SUPT3H: variants seen among roughly 807,000 people sequenced by gnomAD.
The protein encoded by SUPT3H is transcription initiation protein SPT3 homolog.
Under a neutral mutation model 44.3 loss-of-function variants are expected in SUPT3H, and 44 were observed. The observed-to-expected ratio is 0.99, with a 90% CI of 0.78 to 1.28. The LOEUF (loss-of-function observed/expected upper bound fraction) is 1.28, where lower values mean the gene tolerates loss of function less well. Among genes scored for constraint, SUPT3H ranks in the 50% most tolerant of loss-of-function variants. SUPT3H has a pLI of 0.00. For synonymous variants in SUPT3H, 124 were observed against 125.6 expected (o/e 0.99, Z 0.09); for missense variants, 380 against 387.1 (o/e 0.98, Z 0.15).
At chr6:45,320,499 G>A (rs1017004470) in intron 2 of SUPT3H, among the ~76,000 whole-genome samples, 3 of 149,392 alleles carry the variant, frequency 2.0e-5, no homozygotes, top group African/African-American at 4.9e-5. Context: ...GGCTGGTCTC[G>A]AACTCCTGGG....
intron 10 of SUPT3H, among the ~76,000 whole-genome samples, chr6:44,864,901 A>T (rs920611214): frequency 3.3e-5 from 5 of 152,142 alleles, no homozygotes; most frequent in African/African-American, 4.8e-5. Context: ...GCTGGCTTGA[A>T]TTTCTCCTCA....
At chr6:44,919,990 T>C (rs994170299) in intron 10 of SUPT3H, among the ~76,000 whole-genome samples, 2 of 152,128 alleles carry the variant, frequency 1.3e-5, no homozygotes, top group African/African-American at 4.8e-5. Flanking sequence ...GCGATTCTCC[T>C]GCCTCAGCCT....
rs1562572907 is a variant in SUPT3H, at chr6:45,158,290, A to ATTT, written c.102-52285_102-52284insAAA. Among the ~76,000 whole-genome samples, 6 of 39,788 alleles carry ATTT rather than the reference A, an allele frequency of 1.5e-4. 2 individuals carry two copies. Among genetic ancestry groups the ATTT allele is most frequent in the Non-Finnish European group, 3.2e-4 (6 of 18,506 alleles). The allele number at this position is 39,788 out of a possible 152,430, so 26.1% of individuals were successfully genotyped here. On this transcript the variant is annotated intron_variant, in intron 2 of 10. Coordinates refer to ENST00000371459, the MANE Select transcript of SUPT3H (RefSeq NM_003599.4). Reference sequence around the variant, plus strand: ...TATAAATATACATATATATATATATATATATATATTTTTTTTTTTTTTTTT... The same window carrying ATTT: ...TATAAATATACATATATATATATATATTTTATATATATTTTTTTTTTTTTTTTT...
In SUPT3H at chr6:45,009,098, C is replaced by T. The variant is rs554119808; in HGVS notation, c.365-5306G>A. ...TCTTTGTAGAAATCTCTATTCAGAC[C>T]CTTTGCCCATTTTTAAATTGGGCCA... is the stretch of plus-strand genomic sequence containing the variant. On this transcript the variant is annotated intron_variant, in intron 5 of 10. Transcript: ENST00000371459. 6.6e-5 allele frequency among the ~76,000 whole-genome samples: 10 copies of T among 152,014 alleles called. No homozygotes were observed. The South Asian group carries it at 2.1e-3, about 32-fold the overall frequency.
Position 45,334,811 on chromosome 6 carries a change from T to C in SUPT3H, c.101+30390A>G, listed in dbSNP as rs140332155. On this transcript the variant is annotated intron_variant, in intron 2 of 10. Transcript: ENST00000371459. ...GAGGTACTATAGTTCTGTCATGAAA[T>C]ATAATCAAAATTTTTTTGCATGTAA... 8.9e-3 allele frequency among the ~76,000 whole-genome samples: 1,345 copies of C among 151,266 alleles called. 13 individuals carry two copies. Among genetic ancestry groups the C allele is most frequent in the South Asian group, 0.025 (119 of 4,818 alleles).
intron 2 of SUPT3H, among the ~76,000 whole-genome samples, chr6:45,353,264 G>C (rs905304847): frequency 4.6e-5 from 7 of 151,988 alleles, no homozygotes; most frequent in Admixed American, 3.3e-4. Flanking sequence ...TTTGCACTTA[G>C]AATTTGTTTT....
chr6:44,836,674 A>C (rs1390265202), intron 10 of SUPT3H, among the ~76,000 whole-genome samples: 2 of 152,220 alleles, frequency 1.3e-5, no homozygotes, highest in African/African-American at 4.8e-5. Context: ...TTAGTTATTA[A>C]AAGTTACCAT....
chr6:45,181,869 TAATAAATA>T (rs200711022), intron 2 of SUPT3H, among the ~76,000 whole-genome samples: 12,249 of 147,564 alleles, frequency 0.083, 999 homozygotes, highest in African/African-American at 0.2. Context: ...AGTATAATAA[TAATAAATA>T]AATAAATAAA....
intron 10 of SUPT3H, among the ~76,000 whole-genome samples, chr6:44,833,081 T>G (rs1769160533): frequency 6.6e-6 from 1 of 152,184 alleles, no homozygotes; most frequent in Non-Finnish European, 1.5e-5. Context: ...GCCATTAGCC[T>G]ACTTATTAAA....
chr6:44,940,267 A>C (rs190042276), intron 9 of SUPT3H, among the ~76,000 whole-genome samples: 1 of 152,184 alleles, frequency 6.6e-6, no homozygotes, highest in Non-Finnish European at 1.5e-5. Flanking sequence ...TTGTTTCAAA[A>C]AATCTTTTAA....
intron 6 of SUPT3H, among the ~76,000 whole-genome samples, chr6:44,966,934 A>G (rs1485423294): frequency 6.6e-6 from 1 of 152,200 alleles, no homozygotes; most frequent in Non-Finnish European, 1.5e-5. Flanking sequence ...ATGTAAGGTC[A>G]TCTTTGGATT....
intron 5 of SUPT3H, 111 bp downstream of exon 5, chr6:45,014,690 C>A (rs758886554): frequency 2.8e-5 from 17 of 607,724 alleles, no homozygotes; most frequent in Non-Finnish European, 4.2e-5. Context: ...GATTTGTTGA[C>A]AGTAAACAAA....
chr6:45,096,848 A>C (rs571668531), intron 3 of SUPT3H, among the ~76,000 whole-genome samples: 2 of 152,274 alleles, frequency 1.3e-5, no homozygotes, highest in South Asian at 4.1e-4. Flanking sequence ...AAGTCTTGTC[A>C]AAAACACAGC....
chr6:45,312,376 A>T (rs1266242950), intron 2 of SUPT3H, among the ~76,000 whole-genome samples: 1 of 151,934 alleles, frequency 6.6e-6, no homozygotes, highest in African/African-American at 2.4e-5. Flanking sequence ...TTAGCCAGGC[A>T]TGGTGGCGGG....
chr6:45,201,751 T>C (rs879418920), intron 2 of SUPT3H, among the ~76,000 whole-genome samples: 3 of 151,854 alleles, frequency 2.0e-5, no homozygotes, highest in Admixed American at 6.6e-5. Context: ...TTGAAAGACA[T>C]TTCCAAACAG....
chr6:44,934,807 C>T (rs1388276570), intron 9 of SUPT3H, among the ~76,000 whole-genome samples: 2 of 152,102 alleles, frequency 1.3e-5, no homozygotes, highest in Non-Finnish European at 2.9e-5. Flanking sequence ...AAATACATTC[C>T]TATTGTTTAT....
intron 6 of SUPT3H, among the ~76,000 whole-genome samples, chr6:44,969,324 A>G (rs1382793155): frequency 6.6e-6 from 1 of 152,216 alleles, no homozygotes; most frequent in African/African-American, 2.4e-5. Context: ...GTCTGGAAGC[A>G]TATACATTAT....
In SUPT3H at chr6:45,184,775, GAAAAAAAAAAAAAAA is replaced by G. The variant is rs55652227; in HGVS notation, c.102-78784_102-78770del. 5.1e-4 allele frequency among the ~76,000 whole-genome samples: 66 copies of G among 128,514 alleles called. No homozygotes were observed. The East Asian group carries it at 5.7e-3, about 11-fold the overall frequency. The allele number at this position is 128,514 out of a possible 152,430, so 84.3% of individuals were successfully genotyped here. A position where few individuals can be genotyped will look rare whatever the true frequency, so the allele number is the denominator to read the frequency against. On this transcript the variant is annotated intron_variant, in intron 2 of 10. Transcript: ENST00000371459. ...GATGTAGAACCACCAACAGGCAGAG[GAAAAAAAAAAAAAAA>G]AAAAAAAAAAAAACTCCAAGGAAAG... is the stretch of plus-strand genomic sequence containing the variant.
intron 10 of SUPT3H, among the ~76,000 whole-genome samples, chr6:44,904,050 T>C (rs1193451566): frequency 6.6e-6 from 1 of 152,194 alleles, no homozygotes; most frequent in Non-Finnish European, 1.5e-5. Flanking sequence ...AAGAGCTATC[T>C]ATGACAAACC....
Sources: allele counts gnomAD v4.1 joint callset (sites outside exome capture counted in the v4.1 genomes callset), GRCh38; gene constraint gnomAD v4.1.1; transcripts MANE v1.5; gene names NCBI Gene and HGNC (gene_info 2026-07-23, HGNC 2026-07-21).